MYO6: variants seen among roughly 807,000 people sequenced by gnomAD.
The protein encoded by MYO6 is unconventional myosin-VI.
A neutral mutation model predicts 178.7 loss-of-function variants in MYO6; 74 were observed. That is an observed-to-expected ratio of 0.41 (90% CI 0.34 to 0.50). The LOEUF (loss-of-function observed/expected upper bound fraction) is 0.50, where lower values mean the gene tolerates loss of function less well. Among genes scored for constraint, MYO6 ranks in the 20% least tolerant of loss-of-function variants. The pLI is 0.09. For missense variants in MYO6, 1,330 were observed against 1,547.4 expected (o/e 0.86, Z 2.36); for synonymous variants, 477 against 504.6 (o/e 0.95, Z 0.73).
Position 75,784,207 on chromosome 6 carries a change from G to A in MYO6, c.-47-33294G>A, listed in dbSNP as rs574000582. ...AGGATGGTCTCCATCTCCTGACATC[G>A]TGATCCGCCCGACTTGGGCTCCCAA... is the stretch of plus-strand genomic sequence containing the variant. On this transcript the variant is annotated intron_variant, in intron 1 of 34. Coordinates refer to ENST00000369977, the MANE Select transcript of MYO6 (RefSeq NM_004999.4). Among the ~76,000 whole-genome samples, 7 of 152,040 alleles carry A rather than the reference G, an allele frequency of 4.6e-5. No homozygotes were observed. The East Asian group carries it at 1.4e-3, about 30-fold the overall frequency.
chr6:75,784,731 C>T lies in MYO6; in HGVS notation c.-47-32770C>T, dbSNP rs532088833. Among the ~76,000 whole-genome samples the T allele has an allele frequency of 4.6e-3, 656 of 141,784 alleles. 2 individuals are homozygous for T. Among genetic ancestry groups the T allele is most frequent in the South Asian group, 8.9e-3 (40 of 4,472 alleles). The allele number at this position is 141,784 out of a possible 152,430, so 93.0% of individuals were successfully genotyped here. A position where few individuals can be genotyped will look rare whatever the true frequency, so the allele number is the denominator to read the frequency against. The stretch of plus-strand genomic sequence containing the variant: ...GGCGGAGCTTGCAGCGAGCCGAGGT[C>T]GCACCACTGCACTCCAGCCTGGGCA... On this transcript the variant is annotated intron_variant, in intron 1 of 34. Transcript: ENST00000369977.
rs755913147 is a variant in MYO6, at chr6:75,855,233, C to G, written c.1173C>G (p.Thr391=). ...LDQDDLRVSL[T]TRVMLTTAGG... is the part of the protein sequence containing the mutation. ...AAGATGATCTTCGAGTAAGTTTGAC[C>G]ACAAGAGTCATGCTAACAACAGCAG... The change falls in exon 12 of 35, where the codon ACC becomes ACG. Residue 391 remains threonine, a synonymous_variant. Coordinates refer to ENST00000369977, the MANE Select transcript of MYO6 (RefSeq NM_004999.4). The G allele has an allele frequency of 1.2e-6, 2 of 1,613,562 alleles. No individual in the cohort carries two copies. Among genetic ancestry groups the G allele is most frequent in the East Asian group, 4.5e-5 (2 of 44,828 alleles).
chr6:75,878,285 A>G (rs1025372383), intron 20 of MYO6, among the ~76,000 whole-genome samples: 4 of 152,212 alleles, frequency 2.6e-5, no homozygotes, highest in Non-Finnish European at 5.9e-5. Flanking sequence ...TGGTTGTAAC[A>G]TAATCAATTG....
At chr6:75,799,125 A>G (rs1385239738) in intron 1 of MYO6, among the ~76,000 whole-genome samples, 1 of 152,232 alleles carries the variant, frequency 6.6e-6, no homozygotes, top group African/African-American at 2.4e-5. Flanking sequence ...GCGGTGGCTC[A>G]TGTCTGTAAT....
intron 30 of MYO6, among the ~76,000 whole-genome samples, chr6:75,901,076 C>A (rs940541554): frequency 2.0e-5 from 3 of 152,098 alleles, no homozygotes; most frequent in African/African-American, 7.2e-5. Flanking sequence ...GGGCTCTGTT[C>A]TGTTGCATTG....
intron 16 of MYO6, among the ~76,000 whole-genome samples, chr6:75,864,194 T>G (rs1246589892): frequency 2.0e-5 from 3 of 152,216 alleles, no homozygotes; most frequent in Non-Finnish European, 2.9e-5. Context: ...ATTTTGAGAT[T>G]GTAACATAGT....
intron 1 of MYO6, among the ~76,000 whole-genome samples, chr6:75,758,843 TA>T (rs1777701986): frequency 6.6e-6 from 1 of 152,018 alleles, no homozygotes; most frequent in African/African-American, 2.4e-5. Context: ...ATACAAATAG[TA>T]AAAATGTATA....
intron 7 of MYO6, among the ~76,000 whole-genome samples, chr6:75,837,778 T>C (rs947126321): frequency 7.9e-5 from 12 of 152,226 alleles, no homozygotes; most frequent in African/African-American, 1.2e-4. Flanking sequence ...TACCCAGATA[T>C]GTACTTATCT....
chr6:75,801,791 A>T lies in MYO6; in HGVS notation c.-47-15710A>T, dbSNP rs994676504. Among the ~76,000 whole-genome samples, 7 of 152,150 alleles carry T rather than the reference A, an allele frequency of 4.6e-5. No homozygotes were observed. In the South Asian group the frequency reaches 8.3e-4, roughly 18 times the overall value. ...CCCCGTCTCTACTAAAAATACAAAA[A>T]TTAGCTGGGTGTGGTGGCAGGCGCC... is the stretch of plus-strand genomic sequence containing the variant. On this transcript the variant is annotated intron_variant, in intron 1 of 34. Coordinates refer to ENST00000369977, the MANE Select transcript of MYO6 (RefSeq NM_004999.4).
intron 19 of MYO6, among the ~76,000 whole-genome samples, chr6:75,871,357 C>T (rs377645463): frequency 1.3e-5 from 2 of 152,136 alleles, no homozygotes; most frequent in African/African-American, 4.8e-5. Context: ...TAAAGTGGTC[C>T]TCCCACCTCA....
chr6:75,840,762 A>G, intron 8 of MYO6, 80 bp downstream of exon 8: 1 of 1,008,804 alleles, frequency 9.9e-7, no homozygotes, highest in Non-Finnish European at 1.5e-6. Flanking sequence ...CTGTATTTGC[A>G]CTTAATGGTA....
intron 22 of MYO6, among the ~76,000 whole-genome samples, chr6:75,881,431 C>A (rs534996912): frequency 1.4e-5 from 2 of 140,316 alleles, no homozygotes; most frequent in African/African-American, 2.6e-5. Flanking sequence ...CATCCCCCCC[C>A]CCCACTTTTG....
In MYO6 at chr6:75,875,378, G is replaced by A. The variant is rs111530856; in HGVS notation, c.2077+2078G>A. On this transcript the variant is annotated intron_variant, in intron 20 of 34. Transcript: ENST00000369977. ...CAGCCTCAACCTCCCAGGCTCAAGTGATCCTTCTGCTTCAGCCTCTCAAGT... is the reference window on the plus strand; with the variant it reads ...CAGCCTCAACCTCCCAGGCTCAAGTAATCCTTCTGCTTCAGCCTCTCAAGT... Among the ~76,000 whole-genome samples the A allele has an allele frequency of 9.9e-3, 1,509 of 152,250 alleles. 25 individuals are homozygous for A. The highest frequency in any genetic ancestry group is 0.034 in the African/African-American group (1,426 of 41,550).
At chr6:75,821,862 T>C (rs554588916) in intron 2 of MYO6, among the ~76,000 whole-genome samples, 2 of 152,326 alleles carry the variant, frequency 1.3e-5, no homozygotes, top group South Asian at 4.1e-4. Flanking sequence ...TGAGATGTTA[T>C]CTTAATTCTG....
chr6:75,785,165 C>T (rs1767410485), intron 1 of MYO6, among the ~76,000 whole-genome samples: 1 of 152,108 alleles, frequency 6.6e-6, no homozygotes, highest in South Asian at 2.1e-4. Flanking sequence ...TAATTGCTGT[C>T]TGTTCTATTG....
At chr6:75,814,628 G>A (rs1161483648) in intron 1 of MYO6, among the ~76,000 whole-genome samples, 1 of 152,136 alleles carries the variant, frequency 6.6e-6, no homozygotes, top group African/African-American at 2.4e-5. Context: ...TTGTATGGTT[G>A]AGGCAGGTTG....
intron 18 of MYO6, chr6:75,867,426 T>C (rs1466216812): frequency 3.9e-6 from 1 of 256,590 alleles, no homozygotes; most frequent in Non-Finnish European, 7.5e-6. Flanking sequence ...TCCTTCCTCA[T>C]TCAGCGGTTT....
At chr6:75,853,866 A>T (rs1394758683) in intron 11 of MYO6, among the ~76,000 whole-genome samples, 1 of 152,210 alleles carries the variant, frequency 6.6e-6, no homozygotes, top group African/African-American at 2.4e-5. Context: ...TCTCTGTACC[A>T]GACACTATTC....
At chr6:75,763,026 ATT>A (rs34139526) in intron 1 of MYO6, among the ~76,000 whole-genome samples, 14 of 124,180 alleles carry the variant, frequency 1.1e-4, no homozygotes, top group Admixed American at 1.6e-4. Context: ...CTGACCTGTA[ATT>A]TTTTTTTTTT....
Sources: allele counts gnomAD v4.1 joint callset (sites outside exome capture counted in the v4.1 genomes callset), GRCh38; gene constraint gnomAD v4.1.1; transcripts MANE v1.5; gene names NCBI Gene and HGNC (gene_info 2026-07-23, HGNC 2026-07-21).